LARP1: variants seen among roughly 807,000 people sequenced by gnomAD.
The protein encoded by LARP1 is La ribonucleoprotein 1, translational regulator.
Under a neutral mutation model 122.7 loss-of-function variants are expected in LARP1, and 36 were observed. The observed-to-expected ratio is 0.29, with a 90% CI of 0.22 to 0.39. LARP1 has a LOEUF of 0.39. LARP1 is among the 10% of genes least tolerant of loss of function. LARP1 has a pLI of 1.00. For missense variants in LARP1, 1,040 were observed against 1,403.6 expected (o/e 0.74, Z 4.14); for synonymous variants, 539 against 528.7 (o/e 1.02, Z -0.27).
At chr5:154,708,306 G>T (rs192922638), upstream of LARP1, among the ~76,000 whole-genome samples, 309 of 152,270 alleles carry the variant, frequency 2.0e-3, no homozygotes, top group Non-Finnish European at 3.3e-3. Context: ...GAACATAGTG[G>T]TCGTTGTCCC....
intron 15 of LARP1, among the ~76,000 whole-genome samples, chr5:154,806,332 A>G (rs1758780177): frequency 6.6e-6 from 1 of 152,204 alleles, no homozygotes; most frequent in Non-Finnish European, 1.5e-5. Context: ...AGCCATTGTC[A>G]GGTCTAGTCC....
At chr5:154,813,799 A>G (rs1318385645) in intron 18 of LARP1, 88 bp from the exon 19 acceptor site, 4 of 1,020,566 alleles carry the variant, frequency 3.9e-6, no homozygotes, top group Non-Finnish European at 6.0e-6. Context: ...ATTTGGAGGT[A>G]GAAAGTAGGA....
chr5:154,730,199 T>A (rs893670322), intron 1 of LARP1, among the ~76,000 whole-genome samples: 2 of 151,982 alleles, frequency 1.3e-5, no homozygotes, highest in Middle Eastern at 3.4e-3. Flanking sequence ...TTATTATTAT[T>A]TTTTTTTGAG....
intron 14 of LARP1, 39 bp from the exon 15 acceptor site, chr5:154,805,842 T>G (rs1011887025): frequency 6.2e-7 from 1 of 1,600,798 alleles, no homozygotes; most frequent in Non-Finnish European, 8.5e-7. Context: ...GGGGCTGCTG[T>G]GGGGAACCTG....
rs994362884 is a variant in LARP1, at chr5:154,795,578, G to A, written c.1377+259G>A. 2.6e-5 allele frequency among the ~76,000 whole-genome samples: 4 copies of A among 151,810 alleles called. No homozygotes were observed. The Admixed American group carries it at 2.6e-4, about 10-fold the overall frequency. ...TCAGCTTCGGCAGGTATCAGTTTAT[G>A]GCTAATCTTATTCCATCTGTACCCT... On this transcript the variant is annotated intron_variant, in intron 8 of 18. Transcript: ENST00000518297.
chr5:154,724,741 C>T (rs2113368857), intron 1 of LARP1, among the ~76,000 whole-genome samples: 1 of 151,648 alleles, frequency 6.6e-6, no homozygotes, highest in African/African-American at 2.4e-5. Context: ...TCATAGCTCA[C>T]TGCAGCCTTG....
chr5:154,800,734 G>A (rs1317004440), intron 10 of LARP1, among the ~76,000 whole-genome samples: 2 of 152,122 alleles, frequency 1.3e-5, no homozygotes, highest in Admixed American at 1.3e-4. Flanking sequence ...ACCCACTTTG[G>A]AGACCTCTGG....
At position 154,795,174 on chromosome 5, in the gene LARP1, G is replaced by C; in HGVS notation, c.1233-1G>C. The C allele has an allele frequency of 6.2e-7, 1 of 1,613,828 alleles. No homozygotes were observed. The highest frequency in any genetic ancestry group is 1.1e-5 in the South Asian group (1 of 91,082). On this transcript the variant is annotated splice_acceptor_variant, in intron 7 of 18. Coordinates refer to ENST00000518297, the MANE Select transcript of LARP1 (RefSeq NM_033551.3). LOFTEE classifies it high-confidence loss of function. ...GATAACTACTTCTTCCCTCCACTTA[G>C]TGAATACTACTTCAGCGTGGACAAT... is the stretch of plus-strand genomic sequence containing the variant.
chr5:154,730,451 T>C (rs937774642), intron 1 of LARP1, among the ~76,000 whole-genome samples: 1 of 151,296 alleles, frequency 6.6e-6, no homozygotes, highest in African/African-American at 2.4e-5. Flanking sequence ...TATAGCTTGA[T>C]AGATTTTCAC....
At chr5:154,773,835 A>G (rs1208016313) in intron 1 of LARP1, among the ~76,000 whole-genome samples, 1 of 152,196 alleles carries the variant, frequency 6.6e-6, no homozygotes, top group Non-Finnish European at 1.5e-5. Flanking sequence ...TGGGGAGAAC[A>G]AATGTGGATA....
intron 1 of LARP1, 61 bp downstream of exon 1, chr5:154,756,254 CT>C: frequency 8.8e-7 from 1 of 1,137,710 alleles, no homozygotes; most frequent in Non-Finnish European, 1.1e-6. Context: ...TGGGAGTCCC[CT>C]CCCCCAGCAC....
chr5:154,816,079 T>A lies in LARP1; in HGVS notation c.*1983T>A, dbSNP rs1400603011. 6.6e-6 allele frequency: 1 copy of A among 152,648 alleles called. No homozygotes were observed. 9.5% of individuals were successfully genotyped at this position (152,648 alleles called of 1,614,324 possible). On this transcript the variant is annotated 3_prime_UTR_variant, in exon 19 of 19. Transcript: ENST00000518297. ...CCTTGTTAATTTTTAGCCTGTGCCC[T>A]TCCCCACCTTTGCCCTCCCAGTGGT...
chr5:154,790,849 C>T (rs2113769274), intron 3 of LARP1, 139 bp downstream of exon 3: 1 of 794,396 alleles, frequency 1.3e-6, no homozygotes, highest in East Asian at 2.7e-5. Context: ...CAGAGTTTCA[C>T]TCTTTTTGCC....
At chr5:154,806,535 C>T (rs1390645017) in intron 15 of LARP1, among the ~76,000 whole-genome samples, 1 of 152,126 alleles carries the variant, frequency 6.6e-6, no homozygotes. Flanking sequence ...TTCTGTAAAG[C>T]CTGAAATATT....
At chr5:154,808,423 C>G in intron 15 of LARP1, 36 bp from the exon 16 acceptor site, 1 of 1,602,506 alleles carries the variant, frequency 6.2e-7, no homozygotes, top group Non-Finnish European at 8.5e-7. Flanking sequence ...GCAGCCTGAA[C>G]CTGAGACATG....
At chr5:154,697,220 T>G (rs1378619973) in intron 1 of LARP1, among the ~76,000 whole-genome samples, 1 of 151,592 alleles carries the variant, frequency 6.6e-6, no homozygotes, top group Non-Finnish European at 1.5e-5. Context: ...TTTTTTTTCT[T>G]CTCTTTGTAG....
At chr5:154,773,513 A>G (rs534658506) in intron 1 of LARP1, among the ~76,000 whole-genome samples, 28 of 152,270 alleles carry the variant, frequency 1.8e-4, no homozygotes, top group African/African-American at 6.7e-4. Flanking sequence ...TCACATGCAC[A>G]CATGTGTAAG....
intron 16 of LARP1, among the ~76,000 whole-genome samples, chr5:154,810,713 C>T (rs1234156554): frequency 3.9e-5 from 6 of 152,038 alleles, no homozygotes; most frequent in Admixed American, 1.3e-4. Context: ...TCTTGAACTC[C>T]GGACCTCAAG....
At chr5:154,718,436 G>A (rs1159126326) in intron 1 of LARP1, 2 of 152,172 alleles carry the variant, frequency 1.3e-5, no homozygotes, top group Non-Finnish European at 2.9e-5. Flanking sequence ...CGATTCACAG[G>A]TATGATCCCA....
Sources: allele counts gnomAD v4.1 joint callset (sites outside exome capture counted in the v4.1 genomes callset), GRCh38; gene constraint gnomAD v4.1.1; transcripts MANE v1.5; gene names NCBI Gene and HGNC (gene_info 2026-07-23, HGNC 2026-07-21).